The following PDE10A variants were observed in gnomAD, a reference collection of about 807,000 sequenced individuals.
PDE10A encodes the protein phosphodiesterase 10A.
In PDE10A, 39 loss-of-function variants were observed where a neutral mutation model predicts 97.7. The observed-to-expected ratio is 0.40, with a 90% CI of 0.31 to 0.52. PDE10A has a LOEUF of 0.52. Among genes scored for constraint, PDE10A ranks in the 20% least tolerant of loss-of-function variants. The probability of loss-of-function intolerance (pLI) is 0.56; values close to 1 mark genes in which losing one functional copy is unlikely to be tolerated. For missense variants in PDE10A, 731 were observed against 1,047.8 expected, an observed-to-expected ratio of 0.70 and a Z score of 4.17; for synonymous variants, 371 against 376.8, an observed-to-expected ratio of 0.98 and a Z score of 0.18.
chr6:165,435,514 G>T, intron 5 of PDE10A, 137 bp from the exon 6 acceptor site: 1 of 661,688 alleles, frequency 1.5e-6, no homozygotes, highest in Non-Finnish European at 2.3e-6. Context: ...AAGGTGCTTT[G>T]CCATGATCAA....
At chr6:165,537,985 T>C (rs1783196512) in intron 2 of PDE10A, among the ~76,000 whole-genome samples, 1 of 151,986 alleles carries the variant, frequency 6.6e-6, no homozygotes, top group African/African-American at 2.4e-5. Flanking sequence ...CACCGAATGT[T>C]TTGGCAAAGT....
intron 5 of PDE10A, among the ~76,000 whole-genome samples, chr6:165,443,934 A>C (rs1448899841): frequency 6.6e-6 from 1 of 152,194 alleles, no homozygotes; most frequent in Admixed American, 6.5e-5. Flanking sequence ...CTTGGTGATT[A>C]ATATTCGGCT....
intron 13 of PDE10A, among the ~76,000 whole-genome samples, chr6:165,408,901 C>G (rs1391376958): frequency 6.6e-6 from 1 of 152,076 alleles, no homozygotes; most frequent in Non-Finnish European, 1.5e-5. Context: ...CGCGGTGGCT[C>G]ACACCTATAA....
chr6:165,830,337 G>A (rs1395254123), intron 1 of PDE10A, among the ~76,000 whole-genome samples: 1 of 152,172 alleles, frequency 6.6e-6, no homozygotes, highest in African/African-American at 2.4e-5. Context: ...CCTAAACACT[G>A]GAGAAACAAG....
intron 1 of PDE10A, among the ~76,000 whole-genome samples, chr6:165,635,840 G>A (rs1012762072): frequency 9.2e-5 from 14 of 152,086 alleles, no homozygotes; most frequent in African/African-American, 3.4e-4. Flanking sequence ...AAAAAATAGA[G>A]GTAGACATAT....
chr6:165,866,120 T>C (rs560926536), intron 1 of PDE10A, among the ~76,000 whole-genome samples: 1 of 152,158 alleles, frequency 6.6e-6, no homozygotes, highest in Admixed American at 6.5e-5. Flanking sequence ...AATCCCCCAA[T>C]TAAGAGATAT....
intron 1 of PDE10A, among the ~76,000 whole-genome samples, chr6:165,629,489 G>T (rs1788532000): frequency 6.7e-6 from 1 of 149,142 alleles, no homozygotes; most frequent in African/African-American, 2.5e-5. Context: ...TTTATAAACT[G>T]TCCAAGTAGA....
At position 165,482,553 on chromosome 6, in the gene PDE10A, A is replaced by C. The variant is rs1779668275; in HGVS notation, c.995-210T>G. ...ATACATTAATTTCACAGGGAAAATGAAATACCACCACCGCCTTACCTTTCT... is the reference window on the plus strand; with the variant it reads ...ATACATTAATTTCACAGGGAAAATGCAATACCACCACCGCCTTACCTTTCT... On this transcript the variant is annotated intron_variant, in intron 2 of 21. Coordinates refer to ENST00000539869, the MANE Select transcript of PDE10A (RefSeq NM_001385079.1). Among the ~76,000 whole-genome samples, 4 of 152,212 alleles carry C rather than the reference A, an allele frequency of 2.6e-5. No individual in the cohort carries two copies. The South Asian group carries it at 8.3e-4, about 32-fold the overall frequency.
At chr6:165,954,042 T>C (rs1017223687) in intron 1 of PDE10A, among the ~76,000 whole-genome samples, 2 of 152,218 alleles carry the variant, frequency 1.3e-5, no homozygotes, top group African/African-American at 4.8e-5. Context: ...CACTAAGTAA[T>C]GTGTATTTGG....
chr6:165,336,345 G>A (rs912482915), intron 20 of PDE10A, 134 bp from the exon 21 acceptor site: 7 of 654,004 alleles, frequency 1.1e-5, no homozygotes, highest in Non-Finnish European at 1.4e-5. Context: ...TTTGCTGTAT[G>A]TGATATCTGG....
intron 1 of PDE10A, among the ~76,000 whole-genome samples, chr6:165,714,263 A>G (rs1023413686): frequency 1.3e-5 from 2 of 152,130 alleles, no homozygotes; most frequent in Non-Finnish European, 2.9e-5. Flanking sequence ...CCTTGACCCG[A>G]TGGGAGCCTG....
At chr6:165,678,692 T>C (rs1011344023) in intron 1 of PDE10A, among the ~76,000 whole-genome samples, 11 of 152,200 alleles carry the variant, frequency 7.2e-5, no homozygotes, top group Admixed American at 6.5e-4. Flanking sequence ...ACAACCCGCT[T>C]CCGCCCACAC....
In PDE10A at chr6:165,515,468, CAT is replaced by C. The variant is rs553801731; in HGVS notation, c.994+27970_994+27971del. Among the ~76,000 whole-genome samples, 596 of 148,962 alleles carry C rather than the reference CAT, an allele frequency of 4.0e-3. 3 individuals carry two copies. The highest frequency in any genetic ancestry group is 6.7e-3 in the Non-Finnish European group (449 of 67,374). ...TGGTTTAATATTATAATCATTTTAT[CAT>C]AAAATAAAATTTATAGTATACACAC... On this transcript the variant is annotated intron_variant, in intron 2 of 21. Coordinates refer to ENST00000539869, the MANE Select transcript of PDE10A (RefSeq NM_001385079.1).
chr6:165,922,218 T>C (rs1782775109), intron 1 of PDE10A, among the ~76,000 whole-genome samples: 1 of 152,116 alleles, frequency 6.6e-6, no homozygotes, highest in South Asian at 2.1e-4. Context: ...AATGCACAAT[T>C]TCCAATATCA....
chr6:165,867,325 A>G (rs1781084450), intron 1 of PDE10A, among the ~76,000 whole-genome samples: 2 of 150,320 alleles, frequency 1.3e-5, no homozygotes, highest in South Asian at 2.1e-4. Flanking sequence ...GGAGGGATGG[A>G]AAAAAAAAAT....
chr6:165,630,802 C>T (rs772074280), intron 1 of PDE10A, among the ~76,000 whole-genome samples: 9 of 152,048 alleles, frequency 5.9e-5, no homozygotes, highest in Non-Finnish European at 1.2e-4. Flanking sequence ...GGAAAAAGAT[C>T]AAAGGTCTAA....
chr6:165,755,653 G>A (rs2128456787), intron 1 of PDE10A, among the ~76,000 whole-genome samples: 1 of 152,306 alleles, frequency 6.6e-6, no homozygotes, highest in East Asian at 1.9e-4. Context: ...GACTGCAAAG[G>A]GAAAGAATTA....
intron 18 of PDE10A, among the ~76,000 whole-genome samples, chr6:165,346,398 C>T (rs1782311050): frequency 6.6e-6 from 1 of 152,190 alleles, no homozygotes; most frequent in Non-Finnish European, 1.5e-5. Flanking sequence ...GCATTTCTCT[C>T]TCCCGTCTTC....
chr6:165,551,920 C>A (rs1443804678), intron 1 of PDE10A, among the ~76,000 whole-genome samples: 1 of 152,144 alleles, frequency 6.6e-6, no homozygotes, highest in Non-Finnish European at 1.5e-5. Context: ...AGCAATGATG[C>A]CACTTAGCCC....
Sources: gnomAD v4.1 joint callset for allele counts (sites outside exome capture counted in the v4.1 genomes callset) on GRCh38, gnomAD v4.1.1 for gene constraint, MANE v1.5 for transcripts, NCBI Gene and HGNC (gene_info 2026-07-23, HGNC 2026-07-21) for gene names.